The following UBXN4 variants were observed in gnomAD, a reference collection of about 807,000 sequenced individuals.
The protein encoded by UBXN4 is UBX domain-containing protein 4.
A neutral mutation model predicts 66.2 loss-of-function variants in UBXN4; 35 were observed. That is an observed-to-expected ratio of 0.53 (90% CI 0.40 to 0.70). UBXN4 has a LOEUF of 0.70. UBXN4 is among the 30% of genes least tolerant of loss of function. The pLI is 0.00. For missense variants in UBXN4, 533 were observed against 599.8 expected (o/e 0.89, Z 1.16); for synonymous variants, 203 against 204.5 (o/e 0.99, Z 0.06).
In UBXN4 at chr2:135,770,551, A is replaced by C. The variant is rs756670979; in HGVS notation, c.658-20A>C. On this transcript the variant is annotated intron_variant, in intron 7 of 12. Transcript: ENST00000272638. Reference sequence around the variant, plus strand: ...CAGATTATCAAGTTTTTGGATCATAAAACTTTTTCTTTAATTCAGAGAGAA... The same window carrying C: ...CAGATTATCAAGTTTTTGGATCATACAACTTTTTCTTTAATTCAGAGAGAA... 7.1e-7 allele frequency: 1 copy of C among 1,417,964 alleles called. No homozygotes were observed. The highest frequency in any genetic ancestry group is 9.3e-7 in the Non-Finnish European group (1 of 1,074,448). 87.8% of individuals were successfully genotyped at this position (1,417,964 alleles called of 1,614,324 possible).
intron 2 of UBXN4, 139 bp from the exon 3 acceptor site, chr2:135,753,400 C>A: frequency 1.7e-6 from 1 of 579,596 alleles, no homozygotes. Flanking sequence ...TATTTTTCTC[C>A]TTCAACCTGA....
At position 135,784,640 on chromosome 2, in the gene UBXN4, G is replaced by T. The variant is rs1262196029; in HGVS notation, c.*1753G>T. ...CAGCAAGCATCTCATTTAAATAAAG[G>T]TTTGTCATCTTTAAAAATACAGCAA... On this transcript the variant is annotated 3_prime_UTR_variant, in exon 13 of 13. Coordinates refer to ENST00000272638, the MANE Select transcript of UBXN4 (RefSeq NM_014607.4). The T allele has an allele frequency of 6.6e-6, 1 of 152,510 alleles. No individual in the cohort carries two copies. Among genetic ancestry groups the T allele is most frequent in the Non-Finnish European group, 1.5e-5 (1 of 67,998 alleles). 9.4% of individuals were successfully genotyped at this position (152,510 alleles called of 1,614,324 possible).
intron 11 of UBXN4, 128 bp downstream of exon 11, chr2:135,779,207 A>G: frequency 4.1e-6 from 4 of 982,188 alleles, no homozygotes; most frequent in East Asian, 2.9e-5. Context: ...AAGTGATCCA[A>G]TAATTAGATG....
At chr2:135,765,061 G>C (rs945827620) in intron 6 of UBXN4, among the ~76,000 whole-genome samples, 1 of 152,046 alleles carries the variant, frequency 6.6e-6, no homozygotes, top group Admixed American at 6.6e-5. Flanking sequence ...TAATCCACCC[G>C]CCTTGGCTTC....
chr2:135,772,377 A>C, intron 8 of UBXN4, 43 bp from the exon 9 acceptor site: 1 of 1,597,958 alleles, frequency 6.3e-7, no homozygotes, highest in Non-Finnish European at 8.5e-7. Flanking sequence ...TGAATTAACC[A>C]TTCTGGCAGT....
intron 6 of UBXN4, among the ~76,000 whole-genome samples, chr2:135,766,844 G>A (rs997424531): frequency 1.3e-5 from 2 of 151,970 alleles, no homozygotes; most frequent in African/African-American, 2.4e-5. Context: ...AACTTCACCC[G>A]GTGGTTTCAG....
rs762715427 is a variant in UBXN4, at chr2:135,779,082, A to G, written c.1185+3A>G. ...GCGCTTCGGTGGTACTGTTGCCAGT[A>G]TGTATATACAGATGCATTTTTTTCT... On this transcript the variant is annotated splice_donor_region_variant and intron_variant, in intron 11 of 12. Transcript: ENST00000272638. The G allele has an allele frequency of 4.4e-6, 7 of 1,590,166 alleles. No homozygotes were observed. Among genetic ancestry groups the G allele is most frequent in the Admixed American group, 1.8e-5 (1 of 54,932 alleles).
chr2:135,745,540 A>G (rs1218632557), intron 1 of UBXN4, among the ~76,000 whole-genome samples: 2 of 152,204 alleles, frequency 1.3e-5, no homozygotes. Flanking sequence ...TTTGGTTTAT[A>G]TTTAGTATAC....
chr2:135,749,643 AT>A (rs1377772960), intron 2 of UBXN4, among the ~76,000 whole-genome samples: 8 of 152,180 alleles, frequency 5.3e-5, no homozygotes, highest in Non-Finnish European at 1.0e-4. Context: ...AGTATTGTTA[AT>A]TTTTTAAGCA....
chr2:135,750,925 G>T lies in UBXN4; in HGVS notation c.185+2556G>T, dbSNP rs192326309. On this transcript the variant is annotated intron_variant, in intron 2 of 12. Transcript: ENST00000272638. ...GGCTGGAGTGCAGTGGCGTGATCTC[G>T]GCTCACTGCAAGCTCCGCCTCCCGG... 0.011 allele frequency among the ~76,000 whole-genome samples: 1,426 copies of T among 129,990 alleles called. 85 individuals are homozygous for T. In the East Asian group the frequency reaches 0.21, roughly 19 times the overall value. The allele number at this position is 129,990 out of a possible 152,430, so 85.3% of individuals were successfully genotyped here.
chr2:135,745,875 C>CTTTTTTTTTTTTTTTTTTTTT (rs59946844), intron 1 of UBXN4, among the ~76,000 whole-genome samples: 1 of 74,406 alleles, frequency 1.3e-5, no homozygotes, highest in East Asian at 5.1e-4. Context: ...GTCCCGTTTA[C>CTTTTTTTTTTTTTTTTTTTTT]TTTTTTTTTT....
intron 7 of UBXN4, among the ~76,000 whole-genome samples, chr2:135,770,210 A>G (rs1478922408): frequency 6.6e-6 from 1 of 152,152 alleles, no homozygotes; most frequent in East Asian, 1.9e-4. Flanking sequence ...TTTTCTCACC[A>G]TGTATACCTA....
chr2:135,754,757 A>G (rs1477187076), intron 4 of UBXN4, among the ~76,000 whole-genome samples: 1 of 152,088 alleles, frequency 6.6e-6, no homozygotes, highest in African/African-American at 2.4e-5. Context: ...AGTAGCCAGT[A>G]CCTAATACTT....
At chr2:135,759,758 A>T (rs2077303886) in intron 5 of UBXN4, among the ~76,000 whole-genome samples, 1 of 141,526 alleles carries the variant, frequency 7.1e-6, no homozygotes. Flanking sequence ...GTGTTTTTTC[A>T]ATCCAGAATT....
rs1476635004 is a variant in UBXN4, at chr2:135,784,143, A to T, written c.*1256A>T. 6.6e-6 allele frequency: 1 copy of T among 152,250 alleles called. No homozygotes were observed. 9.4% of individuals were successfully genotyped at this position (152,250 alleles called of 1,614,324 possible). On this transcript the variant is annotated 3_prime_UTR_variant, in exon 13 of 13. Transcript: ENST00000272638. The stretch of plus-strand genomic sequence containing the variant: ...AGTATAATTCTTCTGAAAAACATTT[A>T]TCAGAAACTTAAAATATTTCATACC...
At chr2:135,781,653 G>A (rs544541717) in intron 12 of UBXN4, among the ~76,000 whole-genome samples, 6 of 152,292 alleles carry the variant, frequency 3.9e-5, no homozygotes, top group Middle Eastern at 6.8e-3. Flanking sequence ...TACTAAGTAC[G>A]TTACTGTAGT....
chr2:135,761,782 T>C (rs2077317491), intron 5 of UBXN4, 36 bp from the exon 6 acceptor site: 1 of 1,507,542 alleles, frequency 6.6e-7, no homozygotes, highest in Non-Finnish European at 9.0e-7. Flanking sequence ...TTGCATTAAA[T>C]GCAGTATTCT....
At chr2:135,743,218 A>G (rs564538446) in intron 1 of UBXN4, among the ~76,000 whole-genome samples, 48 of 152,312 alleles carry the variant, frequency 3.2e-4, no homozygotes, top group African/African-American at 1.2e-3. Context: ...GGAATTTATA[A>G]TTGTTTTGTT....
chr2:135,741,883 A>G lies in UBXN4; in HGVS notation c.-47A>G, dbSNP rs1222493714. The stretch of plus-strand genomic sequence containing the variant: ...GACGGAGGGCGGAGCCGGCTTCGGG[A>G]CTGCGGAGACTACACACCGAGCGAG... On this transcript the variant is annotated 5_prime_UTR_variant, in exon 1 of 13. Coordinates refer to ENST00000272638, the MANE Select transcript of UBXN4 (RefSeq NM_014607.4). 6.3e-6 allele frequency: 10 copies of G among 1,577,010 alleles called. No homozygotes were observed. In the South Asian group the frequency reaches 1.1e-4, roughly 18 times the overall value.
Sources: allele counts gnomAD v4.1 joint callset (sites outside exome capture counted in the v4.1 genomes callset), GRCh38; gene constraint gnomAD v4.1.1; transcripts MANE v1.5; gene names NCBI Gene and HGNC (gene_info 2026-07-23, HGNC 2026-07-21).